CAPN8: variants seen among roughly 807,000 people sequenced by gnomAD.
The protein encoded by CAPN8 is calpain-8.
In CAPN8, 87 loss-of-function variants were observed where a neutral mutation model predicts 80.9. That is an observed-to-expected ratio of 1.07 (90% CI 0.90 to 1.28). The LOEUF is 1.28. Ranked by LOEUF, CAPN8 falls within the 50% of genes most tolerant of loss-of-function variation. The pLI, the probability that CAPN8 is intolerant of heterozygous loss-of-function variation, is 0.00. For synonymous variants in CAPN8, 299 were observed against 273.8 expected, an observed-to-expected ratio of 1.09 and a Z score of -0.91; for missense variants, 757 against 702.0, an observed-to-expected ratio of 1.08 and a Z score of -0.89.
chr1:223,645,703 C>T (rs562786123), intron 2 of CAPN8, among the ~76,000 whole-genome samples: 2 of 152,110 alleles, frequency 1.3e-5, no homozygotes, highest in Non-Finnish European at 2.9e-5. Context: ...GGCTGGGGGC[C>T]ACAGGTGGCA....
At chr1:223,639,609 AC>A (rs1469093009) in intron 2 of CAPN8, among the ~76,000 whole-genome samples, 13 of 152,268 alleles carry the variant, frequency 8.5e-5, no homozygotes, top group African/African-American at 3.1e-4. Context: ...TATTTGTCTT[AC>A]TTCCATATTC....
chr1:223,626,041 T>C (rs942374276), intron 5 of CAPN8, among the ~76,000 whole-genome samples, 153 bp from the exon 6 acceptor site: 9 of 152,032 alleles, frequency 5.9e-5, no homozygotes, highest in African/African-American at 1.9e-4. Context: ...TAAAGAGTCA[T>C]CTCCATCCAG....
rs137893683 is a variant in CAPN8 at position 223,632,923 on chromosome 1, C to G, written c.308-4143G>C. Among the ~76,000 whole-genome samples, 257 of 152,274 alleles carry G rather than the reference C, an allele frequency of 1.7e-3. 4 individuals carry two copies. The highest frequency in any genetic ancestry group is 5.5e-3 in the African/African-American group (230 of 41,556). On this transcript the variant is annotated intron_variant, in intron 2 of 20. Transcript: ENST00000366872. ...CTTGGCTGGCAGAGACTTTTTTGCC[C>G]ATTGCCCTTCCTCCTTCTTCCCATC...
chr1:223,649,029 CA>C (rs1302632680), intron 2 of CAPN8, among the ~76,000 whole-genome samples: 1 of 152,180 alleles, frequency 6.6e-6, no homozygotes, highest in Non-Finnish European at 1.5e-5. Flanking sequence ...ATGTGTTATT[CA>C]AAAAGCACTC....
intron 2 of CAPN8, among the ~76,000 whole-genome samples, chr1:223,652,598 G>A (rs1007280361): frequency 6.6e-6 from 1 of 151,984 alleles, no homozygotes; most frequent in Non-Finnish European, 1.5e-5. Context: ...GATCCCTCAG[G>A]CCACAGAGGC....
chr1:223,552,559 CAAAAAAAAAA>C (rs1167143421), intron 14 of CAPN8, among the ~76,000 whole-genome samples: 3 of 65,678 alleles, frequency 4.6e-5, no homozygotes, highest in African/African-American at 5.8e-5. Flanking sequence ...CAGTCCATCT[CAAAAAAAAAA>C]AAAAAAAAAA....
At chr1:223,621,478 T>G (rs1176117631) in intron 7 of CAPN8, among the ~76,000 whole-genome samples, 1 of 152,146 alleles carries the variant, frequency 6.6e-6, no homozygotes, top group African/African-American at 2.4e-5. Flanking sequence ...AGCTCGGTAG[T>G]GACTTTTGGT....
chr1:223,648,969 A>G (rs187885301), intron 2 of CAPN8, among the ~76,000 whole-genome samples: 13 of 152,296 alleles, frequency 8.5e-5, no homozygotes, highest in East Asian at 7.7e-4. Context: ...CCTGCTCCCA[A>G]TGGAAAATAA....
intron 2 of CAPN8, among the ~76,000 whole-genome samples, chr1:223,647,237 G>A (rs1658215480): frequency 6.6e-6 from 1 of 152,166 alleles, no homozygotes; most frequent in South Asian, 2.1e-4. Flanking sequence ...CATTGTGATA[G>A]AAAAGTAGAA....
At chr1:223,550,878 AGCCCAAT>A (rs1656767490) in intron 15 of CAPN8, 75 bp downstream of exon 15, 1 of 684,752 alleles carries the variant, frequency 1.5e-6, no homozygotes, top group Admixed American at 2.2e-5. Flanking sequence ...TGGTGCTGCC[AGCCCAAT>A]GCCTGCCTAC....
chr1:223,663,434 C>T (rs1034208151), intron 1 of CAPN8, among the ~76,000 whole-genome samples: 4 of 152,152 alleles, frequency 2.6e-5, no homozygotes, highest in Non-Finnish European at 5.9e-5. Flanking sequence ...GTTCCCATGG[C>T]CCATCATTTA....
intron 6 of CAPN8, among the ~76,000 whole-genome samples, chr1:223,623,925 G>A (rs1657479056): frequency 6.6e-6 from 1 of 151,460 alleles, no homozygotes; most frequent in South Asian, 2.1e-4. Flanking sequence ...ACTTGAACCA[G>A]GGAGTCAGAG....
intron 8 of CAPN8, 129 bp downstream of exon 8, chr1:223,620,063 G>T: frequency 1.3e-6 from 1 of 775,966 alleles, no homozygotes; most frequent in Non-Finnish European, 2.2e-6. Context: ...GACAAAAGGA[G>T]AAGAATGAAT....
intron 1 of CAPN8, among the ~76,000 whole-genome samples, chr1:223,656,710 G>T (rs1343108100): frequency 4.4e-5 from 6 of 135,184 alleles, no homozygotes; most frequent in Non-Finnish European, 6.2e-5. Context: ...TTGAGACGGG[G>T]TCTCGCTCTT....
chr1:223,659,875 T>C (rs1658598870), intron 1 of CAPN8, among the ~76,000 whole-genome samples: 1 of 152,192 alleles, frequency 6.6e-6, no homozygotes, highest in South Asian at 2.1e-4. Flanking sequence ...AAACCTGATC[T>C]ACCTGACGCA....
At chr1:223,635,238 G>A (rs530392101) in intron 2 of CAPN8, among the ~76,000 whole-genome samples, 5 of 152,294 alleles carry the variant, frequency 3.3e-5, no homozygotes, top group Admixed American at 2.6e-4. Flanking sequence ...ACATTACCAC[G>A]AAGCAGTCAC....
intron 2 of CAPN8, among the ~76,000 whole-genome samples, chr1:223,652,923 G>A (rs930138836): frequency 7.9e-5 from 12 of 151,942 alleles, no homozygotes; most frequent in African/African-American, 2.2e-4. Context: ...CGCTCAGGCC[G>A]CTTTTTGGAA....
At chr1:223,633,486 AC>A (rs1657831941) in intron 2 of CAPN8, among the ~76,000 whole-genome samples, 1 of 152,000 alleles carries the variant, frequency 6.6e-6, no homozygotes, top group Non-Finnish European at 1.5e-5. Flanking sequence ...ACATGGTGAA[AC>A]CCTGTCTCTA....
intron 2 of CAPN8, 85 bp from the exon 3 acceptor site, chr1:223,628,865 G>C: frequency 9.1e-7 from 1 of 1,097,640 alleles, no homozygotes; most frequent in Non-Finnish European, 1.3e-6. Flanking sequence ...ATTCAACCCA[G>C]AGTCCACGTT....
Sources: allele counts gnomAD v4.1 joint callset (sites outside exome capture counted in the v4.1 genomes callset), GRCh38; gene constraint gnomAD v4.1.1; transcripts MANE v1.5; gene names NCBI Gene and HGNC (gene_info 2026-07-23, HGNC 2026-07-21).